DNAH11: variants seen among roughly 807,000 people sequenced by gnomAD.
DNAH11 encodes the protein dynein axonemal heavy chain 11.
Under a neutral mutation model 526.0 loss-of-function variants are expected in DNAH11, and 442 were observed. The observed-to-expected ratio is 0.84, with a 90% CI of 0.78 to 0.91. The LOEUF (loss-of-function observed/expected upper bound fraction) is 0.91. DNAH11 is among the 40% of genes least tolerant of loss of function. The pLI is 0.00. For synonymous variants in DNAH11, 2,461 were observed against 1,935.9 expected, an observed-to-expected ratio of 1.27 and a Z score of -7.12; for missense variants, 6,989 against 5,448.7, an observed-to-expected ratio of 1.28 and a Z score of -8.90.
chr7:21,721,980 A>G (rs1024213468), intron 44 of DNAH11, among the ~76,000 whole-genome samples: 3 of 152,220 alleles, frequency 2.0e-5, no homozygotes, highest in African/African-American at 7.2e-5. Flanking sequence ...GATTGCTTGC[A>G]TAGCCCTTTT....
At chr7:21,759,405 G>C (rs527994201) in intron 54 of DNAH11, among the ~76,000 whole-genome samples, 3 of 152,270 alleles carry the variant, frequency 2.0e-5, no homozygotes, top group East Asian at 3.9e-4. Context: ...GAAGCTATTG[G>C]ATCTTTTAAA....
intron 66 of DNAH11, among the ~76,000 whole-genome samples, chr7:21,843,782 C>G (rs543255759): frequency 6.6e-6 from 1 of 152,048 alleles, no homozygotes; most frequent in Non-Finnish European, 1.5e-5. Flanking sequence ...CCCGGCCATG[C>G]TGTGCCCAGC....
At position 21,570,313 on chromosome 7, in the gene DNAH11, G is replaced by T. The variant is rs550567868; in HGVS notation, c.1425+14G>T. On this transcript the variant is annotated intron_variant, in intron 7 of 81. Coordinates refer to ENST00000409508, the MANE Select transcript of DNAH11 (RefSeq NM_001277115.2). ...ATAAAAATAGAGGTATTCATTTTTT[G>T]ATTTTATTTATTCATGTTGAAGGTG... is the stretch of plus-strand genomic sequence containing the variant. The T allele has an allele frequency of 1.8e-5, 28 of 1,578,970 alleles. No homozygotes were observed. The highest frequency in any genetic ancestry group is 2.4e-5 in the South Asian group (2 of 84,872).
At chr7:21,664,062 C>G (rs1164826161) in intron 30 of DNAH11, among the ~76,000 whole-genome samples, 1 of 150,558 alleles carries the variant, frequency 6.6e-6, no homozygotes, top group African/African-American at 2.4e-5. Flanking sequence ...CAAGGATTCC[C>G]TTTTTAAGCA....
Position 21,617,703 on chromosome 7 carries a change from C to A in DNAH11, c.4180C>A (p.Leu1394Met). ...EGTVKDMTAS[L>M]RAITELQSPA... The stretch of plus-strand genomic sequence containing the variant: ...CACAGTTAAGGACATGACAGCCTCC[C>A]TGAGGGCCATCACAGAGTTACAGAG... The change falls in exon 23 of 82, where the codon CTG becomes ATG. Residue 1394 changes from leucine to methionine, a missense_variant. Physicochemically the swap from Leu to Met is conservative, Grantham distance 15. Coordinates refer to ENST00000409508, the MANE Select transcript of DNAH11 (RefSeq NM_001277115.2). 1 of 1,613,804 alleles carries A rather than the reference C, an allele frequency of 6.2e-7. No individual in the cohort carries two copies. Among genetic ancestry groups the A allele is most frequent in the South Asian group, 1.1e-5 (1 of 91,058 alleles).
In DNAH11 at chr7:21,750,322, C is replaced by T. The variant is rs1786360196; in HGVS notation, c.8898C>T (p.Asn2966=). 2 of 1,606,004 alleles carry T rather than the reference C, an allele frequency of 1.2e-6. No individual in the cohort carries two copies. The highest frequency in any genetic ancestry group is 1.7e-6 in the Non-Finnish European group (2 of 1,176,102). Residue 2966 remains asparagine, a synonymous_variant, in exon 54 of 82, where the codon AAC becomes AAT. Coordinates refer to ENST00000409508, the MANE Select transcript of DNAH11 (RefSeq NM_001277115.2). ...TGGGCATGGTAGACTCCAGGGAAAA[C>T]TGTTGGAAATTCTTTATGGCCAGGG... is the stretch of plus-strand genomic sequence containing the variant. The part of the protein sequence containing the change: ...HALGMVDSRE[N]CWKFFMARVR...
At chr7:21,731,122 C>A (rs1479455244) in intron 45 of DNAH11, among the ~76,000 whole-genome samples, 1 of 150,672 alleles carries the variant, frequency 6.6e-6, no homozygotes, top group African/African-American at 2.4e-5. Flanking sequence ...CCATCCTGGG[C>A]AACAAGAGTG....
chr7:21,724,813 A>ATCCTATGAATGTAGGAG (rs1301945121), intron 44 of DNAH11, among the ~76,000 whole-genome samples: 174 of 41,048 alleles, frequency 4.2e-3, no homozygotes, highest in East Asian at 0.011. Context: ...GCATAGAGGT[A>ATCCTATGAATGTAGGAG]TCACTGGACC....
At chr7:21,575,401 GTAGT>G (rs567562566) in intron 8 of DNAH11, among the ~76,000 whole-genome samples, 147 of 152,308 alleles carry the variant, frequency 9.7e-4, no homozygotes, top group African/African-American at 3.5e-3. Flanking sequence ...CATTTTAAAA[GTAGT>G]TATTTAGTTC....
chr7:21,864,755 A>G, intron 70 of DNAH11, 98 bp downstream of exon 70: 4 of 1,185,630 alleles, frequency 3.4e-6, no homozygotes, highest in South Asian at 4.4e-5. Context: ...CAGGTGATGT[A>G]TTAAGCACCA....
chr7:21,591,759 A>G (rs1377062690), intron 14 of DNAH11, among the ~76,000 whole-genome samples, 182 bp downstream of exon 14: 3 of 152,198 alleles, frequency 2.0e-5, no homozygotes, highest in South Asian at 4.1e-4. Flanking sequence ...TGTAGCCCTC[A>G]CCACTGTCAT....
intron 77 of DNAH11, among the ~76,000 whole-genome samples, chr7:21,893,318 C>G (rs1193799431): frequency 1.3e-5 from 2 of 152,196 alleles, no homozygotes; most frequent in African/African-American, 4.8e-5. Flanking sequence ...GTGAGTTCCA[C>G]TTGCTCTATC....
chr7:21,716,377 A>G (rs1474299014), intron 42 of DNAH11, among the ~76,000 whole-genome samples: 1 of 152,196 alleles, frequency 6.6e-6, no homozygotes, highest in Non-Finnish European at 1.5e-5. Context: ...AGCACTTTAT[A>G]CATGCAAACT....
In DNAH11 at chr7:21,687,238, G is replaced by A. The variant is rs199613080; in HGVS notation, c.5761G>A (p.Glu1921Lys). ...GATGGTCTATGTATTCAACTGTTCA[G>A]AGCAAATGGACTACAAAGTAAGTTA... Reference protein sequence around the residue: ...GMMVYVFNCSEQMDYKSIGNI... With the variant: ...GMMVYVFNCSKQMDYKSIGNI... Residue 1921 changes from glutamate to lysine, a missense_variant, in exon 33 of 82, where the codon GAG becomes AAG. By Grantham distance (56) the Glu-to-Lys change is moderately conservative. Coordinates refer to ENST00000409508, the MANE Select transcript of DNAH11 (RefSeq NM_001277115.2). 1.3e-4 allele frequency: 214 copies of A among 1,588,086 alleles called. No individual in the cohort carries two copies. The African/African-American group carries it at 2.1e-3, about 15-fold the overall frequency.
intron 8 of DNAH11, among the ~76,000 whole-genome samples, chr7:21,576,852 C>A (rs912249496): frequency 3.9e-5 from 6 of 152,120 alleles, no homozygotes; most frequent in African/African-American, 1.4e-4. Context: ...TTGAAACTTA[C>A]TTTGGGGTAG....
At chr7:21,599,671 C>A in intron 14 of DNAH11, 116 bp from the exon 15 acceptor site, 1 of 734,260 alleles carries the variant, frequency 1.4e-6, no homozygotes, top group Non-Finnish European at 2.0e-6. Flanking sequence ...TTTGAATGTT[C>A]CTGTCTTGTG....
At chr7:21,592,067 C>A (rs542805174) in intron 14 of DNAH11, among the ~76,000 whole-genome samples, 50 of 151,668 alleles carry the variant, frequency 3.3e-4, no homozygotes, top group African/African-American at 6.3e-4. Context: ...AGAAAAAAAA[C>A]ACACACACAC....
chr7:21,622,457 T>C (rs1487022874), intron 25 of DNAH11, among the ~76,000 whole-genome samples: 2 of 152,114 alleles, frequency 1.3e-5, no homozygotes, highest in African/African-American at 4.8e-5. Flanking sequence ...TTCACAGAAT[T>C]GGAAAAAACT....
intron 66 of DNAH11, among the ~76,000 whole-genome samples, chr7:21,846,328 A>G (rs1459105659): frequency 3.3e-5 from 5 of 152,172 alleles, no homozygotes; most frequent in Admixed American, 2.6e-4. Flanking sequence ...CTAGCTTCTC[A>G]CCATTAAGTA....
Sources: allele counts gnomAD v4.1 joint callset (sites outside exome capture counted in the v4.1 genomes callset), GRCh38; gene constraint gnomAD v4.1.1; transcripts MANE v1.5; gene names NCBI Gene and HGNC (gene_info 2026-07-23, HGNC 2026-07-21).